The following ALK variants were observed in gnomAD, a reference collection of about 807,000 sequenced individuals.
ALK encodes ALK receptor tyrosine kinase, also known as ALK tyrosine kinase receptor.
Under a neutral mutation model 163.1 loss-of-function variants are expected in ALK, and 74 were observed. The ratio of observed to expected loss-of-function variants is 0.45; its 90% CI spans 0.38 to 0.55. The LOEUF (loss-of-function observed/expected upper bound fraction) is 0.55, where lower values mean the gene tolerates loss of function less well. Ranked by LOEUF, ALK falls within the 20% of genes least tolerant of loss-of-function variation. The pLI is 0.00. For missense variants in ALK, 2,063 were observed against 2,105.3 expected (o/e 0.98, Z 0.39); for synonymous variants, 960 against 843.2 (o/e 1.14, Z -2.40).
At chr2:29,881,537 C>T (rs1666866429) in intron 1 of ALK, among the ~76,000 whole-genome samples, 1 of 152,118 alleles carries the variant, frequency 6.6e-6, no homozygotes, top group Non-Finnish European at 1.5e-5. Context: ...ACTTGTGGGG[C>T]GGGCCCTCCT....
intron 8 of ALK, among the ~76,000 whole-genome samples, chr2:29,310,915 AC>A (rs1666677880): frequency 6.6e-6 from 1 of 152,196 alleles, no homozygotes; most frequent in Non-Finnish European, 1.5e-5. Flanking sequence ...AGGTGTCTGG[AC>A]GGTTGTCATT....
intron 1 of ALK, among the ~76,000 whole-genome samples, chr2:29,787,232 C>T (rs1446347018): frequency 1.3e-5 from 2 of 152,192 alleles, no homozygotes; most frequent in Non-Finnish European, 2.9e-5. Flanking sequence ...CACATTAGCA[C>T]TGCAATAATC....
At position 29,275,085 on chromosome 2, in the gene ALK, A is replaced by C. The variant is rs2148214935; in HGVS notation, c.2041+14T>G. The C allele has an allele frequency of 1.1e-5, 17 of 1,613,918 alleles. No individual in the cohort carries two copies. The highest frequency in any genetic ancestry group is 1.4e-5 in the Non-Finnish European group (16 of 1,180,012). On this transcript the variant is annotated intron_variant, in intron 11 of 28. Transcript: ENST00000389048. The stretch of plus-strand genomic sequence containing the variant: ...AGAAGTTACTGTGCTCACATTTGTG[A>C]GCTGAACCCTTACCTGTAGGGTCAA...
intron 3 of ALK, among the ~76,000 whole-genome samples, chr2:29,562,066 T>C (rs1215132646): frequency 6.6e-6 from 1 of 152,090 alleles, no homozygotes; most frequent in Non-Finnish European, 1.5e-5. Flanking sequence ...CCAAGCAAAG[T>C]TTATAACCAA....
intron 1 of ALK, among the ~76,000 whole-genome samples, chr2:29,892,630 G>T (rs887906713): frequency 2.0e-5 from 3 of 152,150 alleles, no homozygotes; most frequent in Non-Finnish European, 2.9e-5. Flanking sequence ...AAATCTGAAG[G>T]CTGAGAGCTG....
chr2:29,765,025 C>G (rs1680819011), intron 1 of ALK, among the ~76,000 whole-genome samples: 1 of 152,170 alleles, frequency 6.6e-6, no homozygotes, highest in South Asian at 2.1e-4. Context: ...TCTCTTGCTT[C>G]TGCTCTGGCC....
At chr2:29,418,354 CTT>C (rs1669930796) in intron 4 of ALK, among the ~76,000 whole-genome samples, 1 of 152,212 alleles carries the variant, frequency 6.6e-6, no homozygotes, top group African/African-American at 2.4e-5. Context: ...TCTCTACTCT[CTT>C]GTTTTTACAA....
intron 4 of ALK, among the ~76,000 whole-genome samples, chr2:29,499,248 G>C (rs1672107477): frequency 6.6e-6 from 1 of 152,154 alleles, no homozygotes. Flanking sequence ...CCAGGCTGGA[G>C]TTCAATGGTG....
chr2:29,480,604 T>A (rs1671638313), intron 4 of ALK, among the ~76,000 whole-genome samples: 1 of 151,980 alleles, frequency 6.6e-6, no homozygotes, highest in African/African-American at 2.4e-5. Flanking sequence ...GAGTTGACAC[T>A]TCTTGCTGTT....
At chr2:29,754,115 T>C (rs1036812091) in intron 1 of ALK, among the ~76,000 whole-genome samples, 13 of 152,156 alleles carry the variant, frequency 8.5e-5, no homozygotes, top group Non-Finnish European at 1.8e-4. Flanking sequence ...TAGGTTAGAA[T>C]CCAGGTTTTC....
chr2:29,248,910 G>A (rs1664751516), intron 12 of ALK, among the ~76,000 whole-genome samples: 1 of 152,234 alleles, frequency 6.6e-6, no homozygotes, highest in Non-Finnish European at 1.5e-5. Flanking sequence ...AGAAACTACC[G>A]CGTATGGGGT....
At chr2:29,737,695 G>A (rs1360491865) in intron 1 of ALK, among the ~76,000 whole-genome samples, 2 of 152,036 alleles carry the variant, frequency 1.3e-5, no homozygotes, top group African/African-American at 4.8e-5. Flanking sequence ...CATCTGCCAT[G>A]AACATGGCTT....
intron 4 of ALK, among the ~76,000 whole-genome samples, chr2:29,468,201 G>C (rs1029081034): frequency 3.9e-5 from 6 of 152,096 alleles, no homozygotes; most frequent in African/African-American, 1.4e-4. Context: ...GCTAATTTTT[G>C]TATTTTCAGT....
intron 11 of ALK, among the ~76,000 whole-genome samples, chr2:29,269,448 C>G (rs1233878132): frequency 1.3e-5 from 2 of 152,162 alleles, no homozygotes; most frequent in African/African-American, 2.4e-5. Context: ...GTAATGGGAT[C>G]ATGAATCACA....
At chr2:29,637,495 G>A (rs1284115602) in intron 3 of ALK, among the ~76,000 whole-genome samples, 4 of 152,098 alleles carry the variant, frequency 2.6e-5, no homozygotes, top group Non-Finnish European at 4.4e-5. Flanking sequence ...GATCATTTGA[G>A]GTTGGGAGTT....
chr2:29,224,801 GCCATCT>G (rs1316953636), intron 19 of ALK: 1 of 217,454 alleles, frequency 4.6e-6, no homozygotes, highest in Non-Finnish European at 9.2e-6. Context: ...AGTGTGTGCT[GCCATCT>G]CCCTTCTACC....
intron 9 of ALK, among the ~76,000 whole-genome samples, chr2:29,283,882 G>A (rs1359586601): frequency 6.6e-6 from 1 of 152,162 alleles, no homozygotes; most frequent in African/African-American, 2.4e-5. Flanking sequence ...GATTATCTGC[G>A]CAGGTACTGT....
chr2:29,610,235 C>T (rs527479550), intron 3 of ALK, among the ~76,000 whole-genome samples: 4 of 152,112 alleles, frequency 2.6e-5, no homozygotes, highest in Non-Finnish European at 5.9e-5. Flanking sequence ...CCATTACCAG[C>T]GTATGGATGG....
intron 4 of ALK, among the ~76,000 whole-genome samples, chr2:29,421,179 A>C (rs1204143759): frequency 6.6e-6 from 1 of 151,520 alleles, no homozygotes; most frequent in African/African-American, 2.5e-5. Flanking sequence ...CAGATCCTTC[A>C]ATCCACAAGG....
Sources: allele counts gnomAD v4.1 joint callset (sites outside exome capture counted in the v4.1 genomes callset), GRCh38; gene constraint gnomAD v4.1.1; transcripts MANE v1.5; gene names NCBI Gene and HGNC (gene_info 2026-07-23, HGNC 2026-07-21).